Variants in TP53I13 observed in about 807,000 individuals in gnomAD.
The protein encoded by TP53I13 is tumor protein p53-inducible protein 13.
A neutral mutation model predicts 39.1 loss-of-function variants in TP53I13; 27 were observed. The observed-to-expected ratio is 0.69, with a 90% confidence interval of 0.51 to 0.95. TP53I13 has a LOEUF of 0.95. TP53I13 is among the 40% of genes least tolerant of loss of function. TP53I13 has a pLI of 0.00. For synonymous variants in TP53I13, 230 were observed against 224.6 expected (o/e 1.02, Z -0.22); for missense variants, 544 against 520.4 (o/e 1.05, Z -0.44).
At chr17:29,571,491 A>G in intron 3 of TP53I13, 100 bp from the exon 4 acceptor site, 1 of 1,530,684 alleles carries the variant, frequency 6.5e-7, no homozygotes, top group Non-Finnish European at 8.8e-7. Context: ...CCATCCAGCT[A>G]TCCTGGGAGT....
chr17:29,577,559 T>C, downstream of TP53I13: 1 of 890,638 alleles, frequency 1.1e-6, no homozygotes, highest in Non-Finnish European at 1.9e-6. Flanking sequence ...GCTGGAGAGC[T>C]GGCTCAGGCC....
chr17:29,580,076 C>T, the TP53I13 span, among the ~76,000 whole-genome samples: 2 of 152,182 alleles, frequency 1.3e-5, no homozygotes, highest in Admixed American at 1.3e-4. Flanking sequence ...GCCTCTGCCT[C>T]TCTTGCTGCA....
chr17:29,579,116 CA>C, the TP53I13 span: 1 of 797,766 alleles, frequency 1.3e-6, no homozygotes, highest in South Asian at 1.5e-5. Flanking sequence ...CCAGAAGGGA[CA>C]AAGCTGAATT....
At chr17:29,581,610 A>G in the TP53I13 span, 9 of 737,556 alleles carry the variant, frequency 1.2e-5, no homozygotes, top group Non-Finnish European at 1.9e-5. The surrounding 1 kb of genome is among the most constrained non-coding windows in gnomAD (Gnocchi z 4.8). Flanking sequence ...ATTTCACAGG[A>G]GCCAGTTGCC....
chr17:29,566,718 C>A (rs1361936545), upstream of TP53I13: 1 of 1,577,380 alleles, frequency 6.3e-7, no homozygotes, highest in Non-Finnish European at 8.6e-7. Flanking sequence ...GGGCGCGCAG[C>A]AGGCACTGGG....
downstream of TP53I13, chr17:29,575,021 C>T (rs1191232355): frequency 6.0e-6 from 9 of 1,490,260 alleles, no homozygotes; most frequent in Admixed American, 3.7e-5. This position sits in a 1 kb window ranked among gnomAD's most constrained non-coding sequence, Gnocchi z 5.5. Context: ...ATGGGATTCT[C>T]CACGCCTGCC....
chr17:29,581,162 A>G, the TP53I13 span: 10 of 626,192 alleles, frequency 1.6e-5, no homozygotes, highest in Non-Finnish European at 2.6e-5. The surrounding 1 kb of genome is among the most constrained non-coding windows in gnomAD (Gnocchi z 4.8). Context: ...TGGAGCTGAC[A>G]TTTTTTACCT....
At chr17:29,582,285 G>A in the TP53I13 span, 7 of 640,178 alleles carry the variant, frequency 1.1e-5, no homozygotes, top group African/African-American at 3.6e-5. Context: ...GGAGGACAGA[G>A]GCTTCCCGCT....
chr17:29,571,464 C>A, intron 3 of TP53I13, 127 bp from the exon 4 acceptor site: 1 of 1,337,124 alleles, frequency 7.5e-7, no homozygotes, highest in Non-Finnish European at 1.0e-6. Context: ...CTTTCCTGGG[C>A]CCTGAAGGTA....
the TP53I13 span, chr17:29,581,497 G>A: frequency 5.8e-6 from 5 of 863,996 alleles, no homozygotes; most frequent in Middle Eastern, 2.5e-4. The surrounding 1 kb of genome is among the most constrained non-coding windows in gnomAD (Gnocchi z 4.8). Context: ...GGAAAGTGGG[G>A]AGGGCAGGCC....
At chr17:29,581,734 C>G in the TP53I13 span, 1 of 1,607,014 alleles carries the variant, frequency 6.2e-7, no homozygotes, top group South Asian at 1.1e-5. This position sits in a 1 kb window ranked among gnomAD's most constrained non-coding sequence, Gnocchi z 4.8. Flanking sequence ...CCCCCAAGCT[C>G]TGCTCACCCG....
Position 29,568,843 on chromosome 17 carries a change from G to T in TP53I13, c.72+13G>T. On this transcript the variant is annotated intron_variant, in intron 1 of 6. Transcript: ENST00000301057. The surrounding 1 kb of genome is among the most constrained non-coding windows in gnomAD (Gnocchi z 4.5). ...GGGTCCCAGCGAGGTAAGGTGACCC[G>T]CTCCTGGGAAGGCCTCGGCCCGCGA... The T allele has an allele frequency of 6.3e-7, 1 of 1,599,906 alleles. No individual in the cohort carries two copies.
At position 29,568,723 on chromosome 17, in the gene TP53I13, C is replaced by G. The variant is rs753386528; in HGVS notation, c.-36C>G. ...CGCGCGCGCTCCCTCGCTGGCGGAG[C>G]GGCTGGGCGGCGGGCCGGGCCCGGG... On this transcript the variant is annotated 5_prime_UTR_variant, in exon 1 of 7. Transcript: ENST00000301057. The surrounding 1 kb of genome is among the most constrained non-coding windows in gnomAD (Gnocchi z 4.5). The G allele has an allele frequency of 3.6e-6, 5 of 1,388,836 alleles. No individual in the cohort carries two copies. Among genetic ancestry groups the G allele is most frequent in the South Asian group, 1.5e-5 (1 of 67,888 alleles). The allele number at this position is 1,388,836 out of a possible 1,614,324, so 86.0% of individuals were successfully genotyped here. A position where few individuals can be genotyped will look rare whatever the true frequency, so the allele number is the denominator to read the frequency against.
chr17:29,576,476 C>A, downstream of TP53I13: 1 of 1,613,252 alleles, frequency 6.2e-7, no homozygotes, highest in Non-Finnish European at 8.5e-7. Context: ...GCTGTCAACC[C>A]CCTGGAGTCC....
chr17:29,579,709 C>T, the TP53I13 span, among the ~76,000 whole-genome samples: 6 of 151,182 alleles, frequency 4.0e-5, no homozygotes, highest in Non-Finnish European at 8.8e-5. Flanking sequence ...GGCAACAGAG[C>T]GAGACCCCAA....
At chr17:29,577,990 C>T (rs1042560304), downstream of TP53I13, among the ~76,000 whole-genome samples, 9 of 152,224 alleles carry the variant, frequency 5.9e-5, no homozygotes, top group Admixed American at 5.9e-4. Context: ...GGCTGGAATC[C>T]GGCTGTGGCC....
chr17:29,581,698 C>A, the TP53I13 span: 1 of 1,507,208 alleles, frequency 6.6e-7, no homozygotes. This position sits in a 1 kb window ranked among gnomAD's most constrained non-coding sequence, Gnocchi z 4.8. Flanking sequence ...TGCCCAGCCC[C>A]AGCCAGGCCT....
chr17:29,576,382 G>T (rs751048367), downstream of TP53I13: 4 of 1,613,398 alleles, frequency 2.5e-6, no homozygotes, highest in African/African-American at 4.0e-5. Flanking sequence ...GTTCACTGGG[G>T]AGTGGAGGTG....
chr17:29,577,264 G>C, downstream of TP53I13: 1 of 1,606,604 alleles, frequency 6.2e-7, no homozygotes, highest in Non-Finnish European at 8.5e-7. Flanking sequence ...GGCAGAAAGG[G>C]CCAGGCTGGC....
Sources: gnomAD v4.1 joint callset for allele counts (sites outside exome capture counted in the v4.1 genomes callset) on GRCh38, gnomAD v4.1.1 for gene constraint, Gnocchi (gnomAD v3.1) non-coding constraint, MANE v1.5 for transcripts, NCBI Gene and HGNC (gene_info 2026-07-23, HGNC 2026-07-21) for gene names.